The following TAS2R1 variants were observed in gnomAD, a reference collection of about 807,000 sequenced individuals.
TAS2R1 encodes taste receptor type 2 member 1.
For missense variants in TAS2R1, 370 were observed against 353.4 expected, an observed-to-expected ratio of 1.05 and a Z score of -0.38; for synonymous variants, 141 against 134.2, an observed-to-expected ratio of 1.05 and a Z score of -0.35.
the TAS2R1 span, among the ~76,000 whole-genome samples, chr5:9,893,286 C>T: frequency 1.1e-3 from 172 of 150,284 alleles, 2 homozygotes; most frequent in African/African-American, 4.1e-3. Context: ...CTCAGTGCAA[C>T]CTCCACCTCC....
At chr5:9,753,187 T>G in the TAS2R1 span, among the ~76,000 whole-genome samples, 1 of 152,216 alleles carries the variant, frequency 6.6e-6, no homozygotes, top group Non-Finnish European at 1.5e-5. Flanking sequence ...TGTTCCTATT[T>G]CTCCACATCC....
In TAS2R1 at chr5:9,675,158, C is replaced by T. The variant is rs527352438; in HGVS notation, c.-241-15577G>A. ...ATATGTAATTTATGTACAGAAAACTCTGATGAAATAAATCAAAGAAGATCA... is the reference window on the plus strand; with the variant it reads ...ATATGTAATTTATGTACAGAAAACTTTGATGAAATAAATCAAAGAAGATCA... On this transcript the variant is annotated intron_variant, in intron 1 of 2. Transcript: ENST00000506620. Among the ~76,000 whole-genome samples the T allele has an allele frequency of 5.7e-3, 850 of 148,982 alleles. 2 individuals carry two copies. The highest frequency in any genetic ancestry group is 0.011 in the Middle Eastern group (3 of 274).
chr5:9,739,664 T>C, the TAS2R1 span, among the ~76,000 whole-genome samples: 1 of 152,168 alleles, frequency 6.6e-6, no homozygotes. Flanking sequence ...GCAAACACTA[T>C]ATTTATTAAG....
At chr5:9,666,903 T>C (rs1334693643) in intron 1 of TAS2R1, among the ~76,000 whole-genome samples, 1 of 152,030 alleles carries the variant, frequency 6.6e-6, no homozygotes, top group South Asian at 2.1e-4. Context: ...ATGGGTAAAA[T>C]ATATTAGGTA....
chr5:9,755,214 A>T, the TAS2R1 span, among the ~76,000 whole-genome samples: 42 of 152,296 alleles, frequency 2.8e-4, no homozygotes, highest in African/African-American at 9.9e-4. Context: ...ACTCCGAGAG[A>T]GTAGTACTTG....
chr5:9,731,528 A>G, the TAS2R1 span, among the ~76,000 whole-genome samples: 1 of 152,094 alleles, frequency 6.6e-6, no homozygotes, highest in Non-Finnish European at 1.5e-5. Flanking sequence ...CCATCCGCCC[A>G]TGCCTCCAAC....
At chr5:9,718,786 G>A in the TAS2R1 span, among the ~76,000 whole-genome samples, 1,501 of 152,092 alleles carry the variant, frequency 9.9e-3, 28 homozygotes, top group African/African-American at 0.034. Context: ...TGGGATGGCC[G>A]ATAACACACC....
the TAS2R1 span, among the ~76,000 whole-genome samples, chr5:9,882,720 G>A: frequency 6.6e-6 from 1 of 152,122 alleles, no homozygotes; most frequent in Non-Finnish European, 1.5e-5. Context: ...TTACACTGTT[G>A]GTGAGATTGT....
chr5:9,891,588 C>A, the TAS2R1 span, among the ~76,000 whole-genome samples: 1 of 152,008 alleles, frequency 6.6e-6, no homozygotes, highest in Non-Finnish European at 1.5e-5. Context: ...AGCCTGCTTG[C>A]CCACAAAGTG....
chr5:9,780,215 T>C, the TAS2R1 span, among the ~76,000 whole-genome samples: 1 of 151,758 alleles, frequency 6.6e-6, no homozygotes, highest in Non-Finnish European at 1.5e-5. Flanking sequence ...TCTGCCCCTG[T>C]ACAGCAATTC....
chr5:9,816,550 A>G, the TAS2R1 span, among the ~76,000 whole-genome samples: 1 of 152,010 alleles, frequency 6.6e-6, no homozygotes. Flanking sequence ...TTCTGCAGAC[A>G]TTTCTCAGGA....
the TAS2R1 span, among the ~76,000 whole-genome samples, chr5:9,809,013 T>A: frequency 1.3e-5 from 2 of 152,202 alleles, no homozygotes; most frequent in Admixed American, 1.3e-4. Flanking sequence ...AACTTCCTTA[T>A]GACCCATCAC....
the TAS2R1 span, among the ~76,000 whole-genome samples, chr5:9,767,207 T>C: frequency 1.1e-4 from 17 of 151,634 alleles, no homozygotes; most frequent in East Asian, 3.3e-3. Context: ...TGGCATGCCC[T>C]CCCCCGCAAT....
chr5:9,720,417 A>G, the TAS2R1 span, among the ~76,000 whole-genome samples: 1 of 152,270 alleles, frequency 6.6e-6, no homozygotes, highest in Admixed American at 6.5e-5. Context: ...GCAGGAAGCA[A>G]GAGAGCAAAC....
At chr5:9,657,877 G>T (rs1208698659) in intron 2 of TAS2R1, among the ~76,000 whole-genome samples, 2 of 152,144 alleles carry the variant, frequency 1.3e-5, no homozygotes, top group Admixed American at 6.5e-5. Context: ...GATTAAAATG[G>T]TAAATTTTAT....
chr5:9,710,521 CT>C (rs1741709078), intron 1 of TAS2R1, among the ~76,000 whole-genome samples: 1 of 152,108 alleles, frequency 6.6e-6, no homozygotes, highest in South Asian at 2.1e-4. Context: ...TGAAATATCT[CT>C]AGTAAATAAA....
chr5:9,728,792 C>T, the TAS2R1 span, among the ~76,000 whole-genome samples: 1 of 152,166 alleles, frequency 6.6e-6, no homozygotes, highest in Non-Finnish European at 1.5e-5. Flanking sequence ...TTGCAAGACT[C>T]AACACACTCC....
intron 1 of TAS2R1, among the ~76,000 whole-genome samples, chr5:9,686,780 G>A (rs1186674620): frequency 6.6e-6 from 1 of 151,930 alleles, no homozygotes; most frequent in East Asian, 1.9e-4. Flanking sequence ...TTAATATAGG[G>A]AAATCCTTCT....
the TAS2R1 span, among the ~76,000 whole-genome samples, chr5:9,792,341 CATAA>C: frequency 6.6e-6 from 1 of 152,164 alleles, no homozygotes; most frequent in Non-Finnish European, 1.5e-5. Context: ...TTGTCATGGT[CATAA>C]ATACAGAATG....
Sources: allele counts gnomAD v4.1 joint callset (sites outside exome capture counted in the v4.1 genomes callset), GRCh38; gene constraint gnomAD v4.1.1; transcripts MANE v1.5; gene names NCBI Gene and HGNC (gene_info 2026-07-23, HGNC 2026-07-21).